The following CEBPZOS variants were observed in gnomAD, a reference collection of about 807,000 sequenced individuals.
The protein encoded by CEBPZOS is CEBPZ opposite strand.
In CEBPZOS, 10 loss-of-function variants were observed where a neutral mutation model predicts 4.8. The ratio of observed to expected loss-of-function variants is 2.07; its 90% CI spans 1.28 to 3.52. CEBPZOS has a LOEUF of 3.52. Ranked by LOEUF, CEBPZOS falls within the 30% of genes most tolerant of loss-of-function variation. CEBPZOS has a pLI of 0.00. For missense variants in CEBPZOS, 98 were observed against 43.6 expected (o/e 2.25, Z -3.51); for synonymous variants, 25 against 14.2 (o/e 1.77, Z -1.72).
At chr2:37,210,810 C>A in intron 4 of CEBPZOS, 3 of 475,598 alleles carry the variant, frequency 6.3e-6, no homozygotes, top group South Asian at 3.6e-5. Flanking sequence ...AAAGATGATC[C>A]AGAGATATCT....
At chr2:37,198,841 A>C (rs1352825328) in intron 1 of CEBPZOS, among the ~76,000 whole-genome samples, 1 of 152,092 alleles carries the variant, frequency 6.6e-6, no homozygotes, top group Non-Finnish European at 1.5e-5. Context: ...CCCTGCCCCC[A>C]TTTGTATAAA....
At chr2:37,197,719 A>G (rs556057577) in intron 1 of CEBPZOS, among the ~76,000 whole-genome samples, 6 of 152,154 alleles carry the variant, frequency 3.9e-5, no homozygotes, top group Non-Finnish European at 7.3e-5. Flanking sequence ...ACAAAAAATT[A>G]GCCAGACGTG....
In CEBPZOS at chr2:37,202,596, G is replaced by C. The variant is rs1677308409; in HGVS notation, c.*736G>C. ...GGAGATGGAGGTTGCAGTGAGCCAA[G>C]ATCATGCCACTGCATTCCAACCTGG... On this transcript the variant is annotated 3_prime_UTR_variant, in exon 5 of 5. Coordinates refer to ENST00000402297, the MANE Select transcript of CEBPZOS (RefSeq NM_001322374.2). 9.8e-6 allele frequency: 4 copies of C among 409,130 alleles called. No individual in the cohort carries two copies. In the East Asian group the frequency reaches 1.2e-4, roughly 12 times the overall value. The allele number at this position is 409,130 out of a possible 1,614,324, so 25.3% of individuals were successfully genotyped here.
In CEBPZOS at chr2:37,203,014, A is replaced by C; in HGVS notation, c.*1154A>C. ...TCTTTTCTTTTTTCTTGGCCCTAAA[A>C]AAAATTGTAAGTCTACATTATTCAA... On this transcript the variant is annotated 3_prime_UTR_variant, in exon 5 of 5. Transcript: ENST00000402297. 6.5e-7 allele frequency: 1 copy of C among 1,528,158 alleles called. No individual in the cohort carries two copies. Among genetic ancestry groups the C allele is most frequent in the Admixed American group, 2.2e-5 (1 of 46,116 alleles). The allele number at this position is 1,528,158 out of a possible 1,614,324, so 94.7% of individuals were successfully genotyped here. A position where few individuals can be genotyped will look rare whatever the true frequency, so the allele number is the denominator to read the frequency against.
downstream of CEBPZOS, chr2:37,209,504 T>C (rs779067931): frequency 6.6e-6 from 1 of 152,076 alleles, no homozygotes; most frequent in Non-Finnish European, 1.5e-5. Flanking sequence ...CTTACAACCA[T>C]CTGATCTTTG....
exon 5 of CEBPZOS, chr2:37,213,661 G>C (rs1281972334): frequency 2.2e-6 from 1 of 445,596 alleles, no homozygotes; most frequent in Non-Finnish European, 4.0e-6. Flanking sequence ...CAATCTTCCT[G>C]CCTCGGCCTG....
At position 37,202,656 on chromosome 2, in the gene CEBPZOS, A is replaced by G; in HGVS notation, c.*796A>G. On this transcript the variant is annotated 3_prime_UTR_variant, in exon 5 of 5. Coordinates refer to ENST00000402297, the MANE Select transcript of CEBPZOS (RefSeq NM_001322374.2). ...TGAGACGCTGTCTCAAAAAAAAAAA[A>G]AAAAAAAAAAAAAAAAAAAAAAAAA... is the stretch of plus-strand genomic sequence containing the variant. The G allele has an allele frequency of 6.0e-6, 1 of 166,950 alleles. No individual in the cohort carries two copies. The highest frequency in any genetic ancestry group is 6.3e-5 in the African/African-American group (1 of 15,818). The allele number at this position is 166,950 out of a possible 1,614,324, so 10.3% of individuals were successfully genotyped here.
chr2:37,200,330 G>A lies in CEBPZOS; in HGVS notation c.115+511G>A, dbSNP rs188495566. 2.0e-5 allele frequency among the ~76,000 whole-genome samples: 3 copies of A among 152,226 alleles called. No individual in the cohort carries two copies. The East Asian group carries it at 5.8e-4, about 29-fold the overall frequency. On this transcript the variant is annotated intron_variant, in intron 2 of 4. Coordinates refer to ENST00000402297, the MANE Select transcript of CEBPZOS (RefSeq NM_001322374.2). ...TAGAGCTCTCAACTTTTTAAATTAG[G>A]AAGTGATTTTTCCCTAAAACAGGGA... is the stretch of plus-strand genomic sequence containing the variant.
chr2:37,213,753 T>G, downstream of CEBPZOS: 1 of 698,504 alleles, frequency 1.4e-6, no homozygotes, highest in Non-Finnish European at 2.4e-6. Context: ...TTGCATGATA[T>G]TCTTAGCTAA....
intron 1 of CEBPZOS, 182 bp downstream of exon 1, chr2:37,196,702 T>C: frequency 6.6e-6 from 1 of 152,632 alleles, no homozygotes; most frequent in Non-Finnish European, 1.5e-5. Context: ...GCGGCCGTGG[T>C]CTGGCGGCCG....
At chr2:37,200,884 A>T (rs1000928946) in intron 2 of CEBPZOS, among the ~76,000 whole-genome samples, 164 bp from the exon 3 acceptor site, 1 of 152,218 alleles carries the variant, frequency 6.6e-6, no homozygotes, top group Non-Finnish European at 1.5e-5. Flanking sequence ...GACTCAAAAA[A>T]ACAAAAGGAG....
chr2:37,198,679 CTT>C (rs1466832367), intron 1 of CEBPZOS: 3 of 152,272 alleles, frequency 2.0e-5, no homozygotes, highest in Non-Finnish European at 4.4e-5. Context: ...TTCAGTAAGT[CTT>C]ATATTCTATT....
chr2:37,200,243 C>T (rs1391778868), intron 2 of CEBPZOS, among the ~76,000 whole-genome samples: 1 of 152,292 alleles, frequency 6.6e-6, no homozygotes, highest in African/African-American at 2.4e-5. Context: ...ACAGTGGGCA[C>T]TAAGACTTTC....
chr2:37,200,697 C>T (rs1677180041), intron 2 of CEBPZOS, among the ~76,000 whole-genome samples: 1 of 152,014 alleles, frequency 6.6e-6, no homozygotes, highest in African/African-American at 2.4e-5. Flanking sequence ...ATGGTGTGCT[C>T]CTGTAGTCCC....
chr2:37,197,929 G>T (rs776918195), intron 1 of CEBPZOS, among the ~76,000 whole-genome samples: 1 of 152,128 alleles, frequency 6.6e-6, no homozygotes, highest in Non-Finnish European at 1.5e-5. Flanking sequence ...GGGAGGCCGA[G>T]GCCTGTGGAT....
intron 3 of CEBPZOS, chr2:37,201,306 A>C: frequency 9.3e-6 from 5 of 539,166 alleles, no homozygotes; most frequent in Admixed American, 3.5e-5. Flanking sequence ...TAAACTCTGG[A>C]ATCATTCATA....
At position 37,201,074 on chromosome 2, in the gene CEBPZOS, T is replaced by C. The variant is rs1409332294; in HGVS notation, c.142T>C (p.Tyr48His). 7.0e-6 allele frequency: 5 copies of C among 716,516 alleles called. No homozygotes were observed. Among genetic ancestry groups the C allele is most frequent in the Non-Finnish European group, 1.3e-5 (5 of 384,820 alleles). 44.4% of individuals were successfully genotyped at this position (716,516 alleles called of 1,614,324 possible). A position where few individuals can be genotyped will look rare whatever the true frequency, so the allele number is the denominator to read the frequency against. The change falls in exon 3 of 5, where the codon TAT becomes CAT. Residue 48 changes from tyrosine to histidine, a missense_variant. Physicochemically the swap from Tyr to His is moderately conservative, Grantham distance 83 (BLOSUM62 2). Coordinates refer to ENST00000402297, the MANE Select transcript of CEBPZOS (RefSeq NM_001322374.2). ...QDFRQTMSKK[Y>H]PFILEVYYKS... ...TTTCAGGCAAACAATGAGCAAGAAATATCCCTTCATCTTGGAAGGTATGTT... is the reference window on the plus strand; with the variant it reads ...TTTCAGGCAAACAATGAGCAAGAAACATCCCTTCATCTTGGAAGGTATGTT...
chr2:37,209,525 CAAAA>C (rs1196082952), downstream of CEBPZOS: 1 of 152,000 alleles, frequency 6.6e-6, no homozygotes, highest in Non-Finnish European at 1.5e-5. Context: ...ACAAAGTAAA[CAAAA>C]ACAAAGTGGG....
At chr2:37,201,406 C>G (rs1677223625) in intron 3 of CEBPZOS, 3 of 505,992 alleles carry the variant, frequency 5.9e-6, no homozygotes, top group Non-Finnish European at 1.0e-5. Context: ...GGAGCTGTCT[C>G]TTTCTCTGTC....
Sources: gnomAD v4.1 joint callset for allele counts (sites outside exome capture counted in the v4.1 genomes callset) on GRCh38, gnomAD v4.1.1 for gene constraint, MANE v1.5 for transcripts, NCBI Gene and HGNC (gene_info 2026-07-23, HGNC 2026-07-21) for gene names.